Variants in PPHLN1 observed in about 807,000 individuals in gnomAD.
PPHLN1 encodes periphilin 1.
PPHLN1 carries 29 observed loss-of-function variants against 51.3 expected under a neutral mutation model. The observed-to-expected ratio is 0.57, with a 90% CI of 0.42 to 0.77. The LOEUF (loss-of-function observed/expected upper bound fraction) is 0.77. PPHLN1 is among the 30% of genes least tolerant of loss of function. The probability of loss-of-function intolerance (pLI) is 0.00; values close to 1 mark genes in which losing one functional copy is unlikely to be tolerated. For missense variants in PPHLN1, 436 were observed against 438.4 expected (o/e 0.99, Z 0.05); for synonymous variants, 147 against 147.8 (o/e 0.99, Z 0.04).
chr12:42,349,879 A>G (rs1321849084), intron 2 of PPHLN1, among the ~76,000 whole-genome samples: 4 of 151,938 alleles, frequency 2.6e-5, no homozygotes, highest in African/African-American at 7.2e-5. Flanking sequence ...ATTTGACAAA[A>G]CCGCCATCGT....
intron 5 of PPHLN1, among the ~76,000 whole-genome samples, chr12:42,377,567 G>C (rs906646121): frequency 1.3e-5 from 2 of 152,124 alleles, no homozygotes; most frequent in Non-Finnish European, 1.5e-5. Context: ...GGCTCCCAAA[G>C]TGCTGGGATT....
intron 8 of PPHLN1, among the ~76,000 whole-genome samples, chr12:42,396,837 C>A (rs2078266906): frequency 6.8e-6 from 1 of 147,722 alleles, no homozygotes; most frequent in African/African-American, 2.5e-5. Context: ...TGGCTTACAC[C>A]TGCAAAAATA....
At chr12:42,448,186 T>G (rs1024259297), downstream of PPHLN1, 5 of 152,624 alleles carry the variant, frequency 3.3e-5, no homozygotes, top group Non-Finnish European at 7.3e-5. Flanking sequence ...AGTTGTCCAC[T>G]TTGTTGAAAT....
intron 9 of PPHLN1, among the ~76,000 whole-genome samples, chr12:42,407,424 C>T (rs1336860609): frequency 6.6e-6 from 1 of 152,200 alleles, no homozygotes; most frequent in African/African-American, 2.4e-5. Flanking sequence ...GACATGGCCT[C>T]CACTAGAGCT....
intron 9 of PPHLN1, among the ~76,000 whole-genome samples, chr12:42,401,164 T>C (rs2078810019): frequency 6.6e-6 from 1 of 152,168 alleles, no homozygotes; most frequent in South Asian, 2.1e-4. Context: ...TGTTTGTAAA[T>C]ACAATTAATA....
intron 9 of PPHLN1, among the ~76,000 whole-genome samples, chr12:42,411,903 C>CAAAAAAAAAAAAAA (rs1212289027): frequency 2.9e-5 from 1 of 33,986 alleles, no homozygotes; most frequent in African/African-American, 1.2e-4. Context: ...GACTCAGTCT[C>CAAAAAAAAAAAAAA]AAAAAAAAAA....
intron 9 of PPHLN1, among the ~76,000 whole-genome samples, chr12:42,405,349 T>G (rs189612398): frequency 9.1e-4 from 139 of 152,372 alleles, no homozygotes; most frequent in Non-Finnish European, 1.7e-3. Flanking sequence ...GTGTATGTTT[T>G]ATATGCACTT....
At position 42,441,633 on chromosome 12, in the gene PPHLN1, C is replaced by T. The variant is rs1252749169; in HGVS notation, c.*124C>T. ...AGAAATACTTTATGATAGTTGACAACATTTCAGTATTAAATAAACATCTAA... is the reference window on the plus strand; with the variant it reads ...AGAAATACTTTATGATAGTTGACAATATTTCAGTATTAAATAAACATCTAA... On this transcript the variant is annotated 3_prime_UTR_variant, in exon 10 of 10. Coordinates refer to ENST00000358314, the MANE Select transcript of PPHLN1 (RefSeq NM_201439.2). The T allele has an allele frequency of 2.3e-6, 3 of 1,320,326 alleles. No homozygotes were observed. Among genetic ancestry groups the T allele is most frequent in the East Asian group, 2.7e-5 (1 of 37,716 alleles). 81.8% of individuals were successfully genotyped at this position (1,320,326 alleles called of 1,614,324 possible).
chr12:42,347,576 TCGAGACCAGCCTGACCAGTA>T (rs1415747935), intron 2 of PPHLN1, among the ~76,000 whole-genome samples: 1 of 152,184 alleles, frequency 6.6e-6, no homozygotes, highest in Admixed American at 6.5e-5. Context: ...GGTCAGGAAT[TCGAGACCAGCCTGACCAGTA>T]CGGTGAAATC....
intron 1 of PPHLN1, among the ~76,000 whole-genome samples, chr12:42,334,797 C>G (rs903081403): frequency 6.6e-6 from 1 of 152,208 alleles, no homozygotes; most frequent in African/African-American, 2.4e-5. Flanking sequence ...TCACTTTCTC[C>G]TGGTTCTTCT....
At chr12:42,424,383 TC>T (rs2081251644) in intron 9 of PPHLN1, among the ~76,000 whole-genome samples, 2 of 152,210 alleles carry the variant, frequency 1.3e-5, no homozygotes, top group African/African-American at 4.8e-5. Flanking sequence ...TTCCATAATT[TC>T]CCTTTCTTCC....
intron 8 of PPHLN1, among the ~76,000 whole-genome samples, chr12:42,396,615 C>CAAGA: frequency 1.2e-5 from 1 of 85,484 alleles, no homozygotes; most frequent in Non-Finnish European, 2.0e-5. Context: ...CTTGTCACTA[C>CAAGA]AAAAAAAAAA....
At chr12:42,366,572 A>G (rs1269224593) in intron 4 of PPHLN1, among the ~76,000 whole-genome samples, 1 of 150,734 alleles carries the variant, frequency 6.6e-6, no homozygotes, top group Admixed American at 6.6e-5. Flanking sequence ...TTTTTGAGAC[A>G]GGGTTTCCCT....
At chr12:42,336,824 T>C (rs1313597158) in intron 2 of PPHLN1, among the ~76,000 whole-genome samples, 1 of 152,250 alleles carries the variant, frequency 6.6e-6, no homozygotes, top group Non-Finnish European at 1.5e-5. Context: ...AGTATATGAA[T>C]ATATTATAGA....
intron 1 of PPHLN1, among the ~76,000 whole-genome samples, chr12:42,331,399 A>G (rs1040975091): frequency 6.6e-6 from 1 of 152,210 alleles, no homozygotes; most frequent in African/African-American, 2.4e-5. Context: ...CAGAGTGTTA[A>G]TGGTTTGACA....
chr12:42,379,927 G>A (rs1304158303), intron 5 of PPHLN1, among the ~76,000 whole-genome samples: 1 of 152,002 alleles, frequency 6.6e-6, no homozygotes, highest in African/African-American at 2.4e-5. Context: ...AACCTCTAGA[G>A]ATCTGTTAAC....
intron 4 of PPHLN1, among the ~76,000 whole-genome samples, chr12:42,356,349 G>C (rs935296362): frequency 6.6e-5 from 10 of 152,220 alleles, no homozygotes; most frequent in Non-Finnish European, 1.2e-4. Flanking sequence ...GATAGGCACA[G>C]ATGGTGACTG....
In PPHLN1 at chr12:42,413,526, A is replaced by ATGTGTGTGTGTG. The variant is rs71084648; in HGVS notation, c.909+14566_909+14577dup. Among the ~76,000 whole-genome samples, 77 of 136,600 alleles carry ATGTGTGTGTGTG rather than the reference A, an allele frequency of 5.6e-4. 1 individual carries two copies. Among genetic ancestry groups the ATGTGTGTGTGTG allele is most frequent in the East Asian group, 1.7e-3 (8 of 4,740 alleles). 89.6% of individuals were successfully genotyped at this position (136,600 alleles called of 152,430 possible). On this transcript the variant is annotated intron_variant, in intron 9 of 9. Transcript: ENST00000358314. ...TGTTTTGATAACTATATATATGTAT[A>ATGTGTGTGTGTG]TGTGTGTGTGTGTGTGTGTGTGTGT...
At chr12:42,393,532 C>T (rs750065880) in intron 7 of PPHLN1, 38 bp from the exon 8 acceptor site, 2 of 1,523,474 alleles carry the variant, frequency 1.3e-6, no homozygotes, top group South Asian at 2.6e-5. Flanking sequence ...GTTTAAAAGC[C>T]CTTGAGAATT....
Sources: allele counts gnomAD v4.1 joint callset (sites outside exome capture counted in the v4.1 genomes callset), GRCh38; gene constraint gnomAD v4.1.1; transcripts MANE v1.5; gene names NCBI Gene and HGNC (gene_info 2026-07-23, HGNC 2026-07-21).